PRKD1: variants seen among roughly 807,000 people sequenced by gnomAD.
PRKD1 encodes serine/threonine-protein kinase D1.
A neutral mutation model predicts 95.9 loss-of-function variants in PRKD1; 63 were observed. The observed-to-expected ratio is 0.66, with a 90% CI of 0.54 to 0.81. The LOEUF (loss-of-function observed/expected upper bound fraction) is 0.81, where lower values mean the gene tolerates loss of function less well. Ranked by LOEUF, PRKD1 falls within the 30% of genes least tolerant of loss-of-function variation. The pLI is 0.00. For synonymous variants in PRKD1, 425 were observed against 423.1 expected (o/e 1.00, Z -0.05); for missense variants, 1,048 against 1,165.3 (o/e 0.90, Z 1.47).
chr14:29,788,388 C>T (rs141295565), intron 1 of PRKD1, among the ~76,000 whole-genome samples: 245 of 152,200 alleles, frequency 1.6e-3, no homozygotes, highest in Middle Eastern at 0.01. Context: ...CTATAATGTG[C>T]CTTGGAGAAG....
chr14:29,855,525 T>C (rs971668696), intron 1 of PRKD1, among the ~76,000 whole-genome samples: 10 of 152,220 alleles, frequency 6.6e-5, no homozygotes, highest in African/African-American at 2.4e-4. Context: ...GATGAGACTT[T>C]GGACTGTGAA....
chr14:29,764,330 T>C (rs747004194), intron 1 of PRKD1, among the ~76,000 whole-genome samples: 39 of 152,076 alleles, frequency 2.6e-4, no homozygotes, highest in Admixed American at 6.5e-4. Flanking sequence ...CTTTAAATCA[T>C]TGAAGAGTTG....
chr14:29,779,743 C>T (rs1250595798), intron 1 of PRKD1, among the ~76,000 whole-genome samples: 1 of 152,158 alleles, frequency 6.6e-6, no homozygotes, highest in Non-Finnish European at 1.5e-5. Context: ...ATGCCATCTC[C>T]ATCAAGCTAC....
chr14:29,876,934 T>C (rs1316895905), intron 1 of PRKD1, among the ~76,000 whole-genome samples: 1 of 151,984 alleles, frequency 6.6e-6, no homozygotes, highest in African/African-American at 2.4e-5. Context: ...GGAGGATCAT[T>C]TGAGGCCAGG....
At chr14:29,820,059 G>A (rs1890850478) in intron 1 of PRKD1, among the ~76,000 whole-genome samples, 1 of 152,106 alleles carries the variant, frequency 6.6e-6, no homozygotes, top group Non-Finnish European at 1.5e-5. Flanking sequence ...AAAAGATTCA[G>A]CCACTATAAA....
chr14:29,695,158 C>T (rs560593388), intron 2 of PRKD1, among the ~76,000 whole-genome samples: 96 of 149,640 alleles, frequency 6.4e-4, no homozygotes, highest in African/African-American at 2.1e-3. Flanking sequence ...CACTTGAACC[C>T]GGGAGGCGGA....
chr14:29,645,677 C>A (rs1881077621), intron 4 of PRKD1, among the ~76,000 whole-genome samples: 1 of 152,254 alleles, frequency 6.6e-6, no homozygotes, highest in East Asian at 1.9e-4. Flanking sequence ...GGAAATAATT[C>A]TCTGTGCCCA....
intron 2 of PRKD1, among the ~76,000 whole-genome samples, chr14:29,686,577 T>A (rs1883883516): frequency 6.6e-6 from 1 of 152,196 alleles, no homozygotes; most frequent in South Asian, 2.1e-4. Flanking sequence ...TGCTATTGTC[T>A]GATACACGTT....
At chr14:29,735,801 A>G (rs1886684550) in intron 1 of PRKD1, among the ~76,000 whole-genome samples, 1 of 152,194 alleles carries the variant, frequency 6.6e-6, no homozygotes, top group African/African-American at 2.4e-5. Flanking sequence ...GCCTCTTTGT[A>G]AAACGATGGT....
intron 2 of PRKD1, among the ~76,000 whole-genome samples, chr14:29,706,742 C>T (rs556562200): frequency 1.3e-5 from 2 of 152,118 alleles, no homozygotes; most frequent in South Asian, 4.2e-4. Context: ...AATCATGGTC[C>T]CTTCTTTCAC....
intron 1 of PRKD1, among the ~76,000 whole-genome samples, chr14:29,804,801 G>T (rs1566610763): frequency 6.6e-6 from 1 of 150,816 alleles, no homozygotes; most frequent in African/African-American, 2.4e-5. Context: ...TCAATGAGGT[G>T]TTTTTTTTTC....
chr14:29,887,058 C>CT (rs1893733839), intron 1 of PRKD1, among the ~76,000 whole-genome samples: 3 of 152,160 alleles, frequency 2.0e-5, no homozygotes, highest in Admixed American at 2.0e-4. Context: ...ATTTTTCCAG[C>CT]AATGATGCAC....
At chr14:29,700,880 C>T (rs1884791422) in intron 2 of PRKD1, among the ~76,000 whole-genome samples, 1 of 152,110 alleles carries the variant, frequency 6.6e-6, no homozygotes, top group Non-Finnish European at 1.5e-5. Flanking sequence ...AGATTTTGGA[C>T]TTGTCAGCCT....
Position 29,636,491 on chromosome 14 carries a change from A to C in PRKD1, c.989T>G (p.Leu330Trp), listed in dbSNP as rs997897663. Residue 330 changes from leucine (L) to tryptophan (W), a missense_variant, in exon 7 of 18, where the codon TTG (leucine) becomes TGG (tryptophan). This residue lies in a region of PRKD1 where 739 missense variants were observed against 861.9 expected (regional missense o/e 0.86). Transcript: ENST00000331968. Reference sequence around the variant, plus strand: ...ATCAGACTCTGCCCCAGGGCTAAGCAAATCTAGAAAATTATTTTCACCCAT... The same window carrying C: ...ATCAGACTCTGCCCCAGGGCTAAGCCAATCTAGAAAATTATTTTCACCCAT... ...CLGEVTINGD[L>W]LSPGAESDVV... 2.5e-6 allele frequency: 4 copies of C among 1,614,062 alleles called. No individual in the cohort carries two copies. The highest frequency in any genetic ancestry group is 3.4e-6 in the Non-Finnish European group (4 of 1,179,974).
intron 1 of PRKD1, among the ~76,000 whole-genome samples, chr14:29,798,247 TGCAGTTCCAC>T (rs1406886235): frequency 1.3e-5 from 2 of 152,218 alleles, no homozygotes; most frequent in South Asian, 2.1e-4. Flanking sequence ...GACAGCAATA[TGCAGTTCCAC>T]GCAGTTCCAC....
intron 1 of PRKD1, among the ~76,000 whole-genome samples, chr14:29,812,620 G>C (rs1184944497): frequency 6.6e-6 from 1 of 152,126 alleles, no homozygotes; most frequent in East Asian, 1.9e-4. Flanking sequence ...GAAGAAGTGA[G>C]AGCACAGGAA....
At chr14:29,642,170 C>A (rs556253179) in intron 4 of PRKD1, among the ~76,000 whole-genome samples, 7 of 152,242 alleles carry the variant, frequency 4.6e-5, no homozygotes, top group African/African-American at 1.4e-4. Flanking sequence ...TCCCAAAGTG[C>A]TGGGATTACA....
intron 12 of PRKD1, 109 bp from the exon 13 acceptor site, chr14:29,624,367 ATAAAT>A (rs1879477113): frequency 1.6e-6 from 1 of 613,738 alleles, no homozygotes. Flanking sequence ...ATTTCACTGA[ATAAAT>A]TAACATTTCT....
At chr14:29,883,276 T>G (rs1013233176) in intron 1 of PRKD1, among the ~76,000 whole-genome samples, 5 of 152,178 alleles carry the variant, frequency 3.3e-5, no homozygotes, top group African/African-American at 1.2e-4. Flanking sequence ...CATTAAGGAT[T>G]ACATTTCAAT....
Sources: allele counts gnomAD v4.1 joint callset (sites outside exome capture counted in the v4.1 genomes callset), GRCh38; gene constraint gnomAD v4.1.1; regional missense constraint gnomAD v4.1.1; transcripts MANE v1.5; gene names NCBI Gene and HGNC (gene_info 2026-07-23, HGNC 2026-07-21).